ANKFN1: variants seen among roughly 807,000 people sequenced by gnomAD.
The protein encoded by ANKFN1 is ankyrin repeat and fibronectin type-III domain-containing protein 1.
In ANKFN1, 74 loss-of-function variants were observed where a neutral mutation model predicts 108.7. The observed-to-expected ratio is 0.68, with a 90% CI of 0.56 to 0.83. The LOEUF is 0.83. ANKFN1 is among the 40% of genes least tolerant of loss of function. ANKFN1 has a pLI of 0.00. For missense variants in ANKFN1, 1,505 were observed against 1,382.3 expected (o/e 1.09, Z -1.41); for synonymous variants, 547 against 516.2 (o/e 1.06, Z -0.81).
At chr17:56,294,772 C>T (rs1044973841) in intron 3 of ANKFN1, among the ~76,000 whole-genome samples, 4 of 152,206 alleles carry the variant, frequency 2.6e-5, no homozygotes, top group Admixed American at 1.3e-4. Flanking sequence ...GAAACTATTA[C>T]TAAATGCTAA....
chr17:56,246,100 G>C (rs1373865844), intron 3 of ANKFN1, among the ~76,000 whole-genome samples: 6 of 152,062 alleles, frequency 3.9e-5, no homozygotes, highest in Non-Finnish European at 8.8e-5. Flanking sequence ...CACCACCACT[G>C]CCTCTAATCA....
At chr17:56,238,483 A>G (rs1030991125) in intron 3 of ANKFN1, among the ~76,000 whole-genome samples, 1 of 152,134 alleles carries the variant, frequency 6.6e-6, no homozygotes, top group African/African-American at 2.4e-5. Flanking sequence ...GTATATATAT[A>G]TTTAGGATAG....
chr17:56,077,856 C>G (rs943179153), intron 4 of ANKFN1, among the ~76,000 whole-genome samples: 2 of 152,164 alleles, frequency 1.3e-5, no homozygotes, highest in Non-Finnish European at 2.9e-5. Context: ...GTCACTCATC[C>G]ATTAGCTGCA....
chr17:56,384,323 G>A (rs554912439), intron 8 of ANKFN1, among the ~76,000 whole-genome samples: 6,369 of 151,800 alleles, frequency 0.042, 220 homozygotes, highest in African/African-American at 0.1. Flanking sequence ...TTGATGGGAC[G>A]TATCTCAAAA....
At chr17:56,295,643 C>G (rs1289965531) in intron 3 of ANKFN1, among the ~76,000 whole-genome samples, 1 of 152,110 alleles carries the variant, frequency 6.6e-6, no homozygotes, top group African/African-American at 2.4e-5. Flanking sequence ...CAGTTACTGT[C>G]TTAGTCAGTT....
At chr17:56,068,685 A>T (rs926665498) in intron 4 of ANKFN1, among the ~76,000 whole-genome samples, 4 of 152,206 alleles carry the variant, frequency 2.6e-5, no homozygotes, top group African/African-American at 9.7e-5. Flanking sequence ...CACCGTTTAC[A>T]TTGCAGGATA....
At chr17:56,057,288 AATGATACTTT>A (rs2079516694) in intron 4 of ANKFN1, among the ~76,000 whole-genome samples, 1 of 152,210 alleles carries the variant, frequency 6.6e-6, no homozygotes, top group South Asian at 2.1e-4. Context: ...AACTCCTGTT[AATGATACTTT>A]TACCTTCCCC....
rs912716213 is a variant in ANKFN1, at chr17:56,482,278, T to C, written c.2092-78T>C. ...AAGTTGTGTAATTTTGTGAGATGTT[T>C]TATGCCAGTTTGGTGTTGTTTATGT... is the stretch of plus-strand genomic sequence containing the variant. On this transcript the variant is annotated intron_variant, in intron 17 of 20. Coordinates refer to ENST00000682825, the MANE Select transcript of ANKFN1 (RefSeq NM_001370326.1). The C allele has an allele frequency of 1.3e-5, 17 of 1,306,378 alleles. No homozygotes were observed. The Middle Eastern group carries it at 7.6e-4, about 59-fold the overall frequency. 80.9% of individuals were successfully genotyped at this position (1,306,378 alleles called of 1,614,324 possible). A position where few individuals can be genotyped will look rare whatever the true frequency, so the allele number is the denominator to read the frequency against.
intron 16 of ANKFN1, 81 bp from the exon 17 acceptor site, chr17:56,480,587 T>C: frequency 4.1e-6 from 6 of 1,456,084 alleles, no homozygotes; most frequent in Non-Finnish European, 4.7e-6. Flanking sequence ...ATCCAGGTTC[T>C]GGACACATAC....
At chr17:56,074,383 C>A (rs1905156837) in intron 4 of ANKFN1, among the ~76,000 whole-genome samples, 2 of 152,202 alleles carry the variant, frequency 1.3e-5, no homozygotes, top group South Asian at 2.1e-4. Context: ...TGGAGCGAGA[C>A]CCCTCTGACA....
In ANKFN1 at chr17:56,457,913, A is replaced by G; in HGVS notation, c.1491A>G (p.Ile497Met). The G allele has an allele frequency of 6.2e-7, 1 of 1,614,020 alleles. No homozygotes were observed. The highest frequency in any genetic ancestry group is 8.5e-7 in the Non-Finnish European group (1 of 1,179,988). Residue 497 changes from isoleucine to methionine, a missense_variant, in exon 14 of 21, where the codon ATA becomes ATG. Physicochemically the swap from Ile to Met is conservative, Grantham distance 10. Coordinates refer to ENST00000682825, the MANE Select transcript of ANKFN1 (RefSeq NM_001370326.1). ...GGTGGCTGAGGCAAAGCATACCAAT[A>G]TCCTCATCCTCATCCACAGTGCTGC... The part of the protein sequence containing the change: ...DIRWLRQSIP[I>M]SSSSSTVLQT...
chr17:56,229,680 A>G (rs1318673996), intron 3 of ANKFN1, among the ~76,000 whole-genome samples: 5 of 150,110 alleles, frequency 3.3e-5, no homozygotes, highest in Admixed American at 3.3e-4. Flanking sequence ...AAAAAAAAAA[A>G]AAAAAAAAGG....
intron 8 of ANKFN1, among the ~76,000 whole-genome samples, chr17:56,378,312 A>G (rs567596208): frequency 8.5e-5 from 13 of 152,198 alleles, no homozygotes; most frequent in Non-Finnish European, 1.5e-4. Context: ...TCGATCATTT[A>G]TAATAATAAT....
intron 1 of ANKFN1, among the ~76,000 whole-genome samples, chr17:56,210,098 A>G (rs1914870100): frequency 6.6e-6 from 1 of 152,046 alleles, no homozygotes; most frequent in South Asian, 2.1e-4. Flanking sequence ...AGATAGATAG[A>G]TAGATAGATA....
chr17:56,325,694 G>C (rs568791688), intron 3 of ANKFN1, among the ~76,000 whole-genome samples: 1 of 152,298 alleles, frequency 6.6e-6, no homozygotes, highest in East Asian at 1.9e-4. Flanking sequence ...GAATTGCGCA[G>C]GTGCCCTGTG....
chr17:56,381,604 G>A (rs977666196), intron 8 of ANKFN1, among the ~76,000 whole-genome samples: 6 of 152,238 alleles, frequency 3.9e-5, no homozygotes, highest in Non-Finnish European at 8.8e-5. Flanking sequence ...AGCTGATGGA[G>A]CTGAAAGCCA....
At chr17:56,500,653 G>A (rs2051339609) in intron 20 of ANKFN1, among the ~76,000 whole-genome samples, 1 of 152,180 alleles carries the variant, frequency 6.6e-6, no homozygotes. Context: ...AAACAGGAAA[G>A]AGAAGAGCAT....
At chr17:56,429,066 A>G (rs565548160) in intron 8 of ANKFN1, among the ~76,000 whole-genome samples, 1 of 152,344 alleles carries the variant, frequency 6.6e-6, no homozygotes, top group African/African-American at 2.4e-5. Context: ...TTAAATGCCT[A>G]CCATGGGCAG....
chr17:56,456,427 G>A (rs1242328409), intron 11 of ANKFN1, among the ~76,000 whole-genome samples: 3 of 114,008 alleles, frequency 2.6e-5, no homozygotes, highest in Non-Finnish European at 3.4e-5. Flanking sequence ...TTTTTGATAC[G>A]GATTCTCGCT....
Sources: allele counts gnomAD v4.1 joint callset (sites outside exome capture counted in the v4.1 genomes callset), GRCh38; gene constraint gnomAD v4.1.1; transcripts MANE v1.5; gene names NCBI Gene and HGNC (gene_info 2026-07-23, HGNC 2026-07-21).